Variants in MSRB2 observed in about 807,000 individuals in gnomAD.
MSRB2 encodes the protein methionine-R-sulfoxide reductase B2, mitochondrial.
In MSRB2, 17 loss-of-function variants were observed where a neutral mutation model predicts 19.0. The observed-to-expected ratio is 0.89, with a 90% confidence interval of 0.61 to 1.34. MSRB2 has a LOEUF of 1.34. MSRB2 is among the 40% of genes most tolerant of loss of function. The pLI is 0.00. For synonymous variants in MSRB2, 107 were observed against 99.7 expected (o/e 1.07, Z -0.44); for missense variants, 208 against 237.6 (o/e 0.88, Z 0.82).
At chr10:23,118,344 T>TG (rs1299086652) in intron 3 of MSRB2, among the ~76,000 whole-genome samples, 29 of 147,950 alleles carry the variant, frequency 2.0e-4, no homozygotes, top group South Asian at 1.3e-3. Context: ...TTTGTTTTTT[T>TG]TTTTTTTTTT....
intron 2 of MSRB2, among the ~76,000 whole-genome samples, chr10:23,109,335 A>G (rs1840019905): frequency 6.6e-6 from 1 of 152,146 alleles, no homozygotes; most frequent in African/African-American, 2.4e-5. Flanking sequence ...AGATCACTTG[A>G]GGTCAGGAGT....
chr10:23,106,636 G>A (rs1564428701), intron 2 of MSRB2, among the ~76,000 whole-genome samples: 1 of 152,200 alleles, frequency 6.6e-6, no homozygotes, highest in Non-Finnish European at 1.5e-5. Flanking sequence ...CTGTGGGGCT[G>A]CAGGATGGCA....
At chr10:23,120,670 G>C (rs1840171332) in intron 4 of MSRB2, 88 bp from the exon 5 acceptor site, 4 of 898,892 alleles carry the variant, frequency 4.4e-6, no homozygotes, top group Non-Finnish European at 5.2e-6. Flanking sequence ...CTCCGGAGTG[G>C]AGTGATTTTG....
chr10:23,100,925 C>G (rs1168691732), intron 1 of MSRB2, among the ~76,000 whole-genome samples: 2 of 152,108 alleles, frequency 1.3e-5, no homozygotes, highest in African/African-American at 4.8e-5. Context: ...AAAGTGAAAT[C>G]TGTTGAGAGG....
In MSRB2 at chr10:23,095,738, G is replaced by A. The variant is rs770359293; in HGVS notation, c.118+12G>A. 8.0e-7 allele frequency: 1 copy of A among 1,243,784 alleles called. No homozygotes were observed. Among genetic ancestry groups the A allele is most frequent in the Admixed American group, 4.2e-5 (1 of 23,726 alleles). The allele number at this position is 1,243,784 out of a possible 1,614,324, so 77.0% of individuals were successfully genotyped here. On this transcript the variant is annotated intron_variant, in intron 1 of 4. Transcript: ENST00000376510. ...ACTGGGGGAGGCAGGTAGGACGCGG[G>A]TCCCGCAGGCCCCGCCGCCGCCTAC...
intron 2 of MSRB2, among the ~76,000 whole-genome samples, chr10:23,109,879 A>G (rs1420303689): frequency 2.0e-5 from 3 of 152,238 alleles, no homozygotes; most frequent in African/African-American, 7.2e-5. Flanking sequence ...ACAGTGGACT[A>G]GATTCCTGTT....
rs937004241 is a variant in MSRB2 at position 23,119,490 on chromosome 10, C to T, written c.444+39C>T. Reference sequence around the variant, plus strand: ...TTTTGTTTTACTTTCCCTGATGCTGCCCCCAATGCCACAAAGAGCTCTCTT... The same window carrying T: ...TTTTGTTTTACTTTCCCTGATGCTGTCCCCAATGCCACAAAGAGCTCTCTT... On this transcript the variant is annotated intron_variant, in intron 4 of 4. Coordinates refer to ENST00000376510, the MANE Select transcript of MSRB2 (RefSeq NM_012228.4). 6 of 1,597,330 alleles carry T rather than the reference C, an allele frequency of 3.8e-6. No homozygotes were observed. The African/African-American group carries it at 5.4e-5, about 14-fold the overall frequency.
intron 2 of MSRB2, among the ~76,000 whole-genome samples, chr10:23,107,753 G>A (rs1839999200): frequency 6.6e-6 from 1 of 152,084 alleles, no homozygotes; most frequent in Non-Finnish European, 1.5e-5. Flanking sequence ...GCCCACCTCT[G>A]CAACACTAGC....
intron 1 of MSRB2, among the ~76,000 whole-genome samples, chr10:23,097,173 A>G (rs1429922947): frequency 2.6e-5 from 4 of 152,242 alleles, no homozygotes; most frequent in Non-Finnish European, 5.9e-5. Flanking sequence ...GTAAATCATG[A>G]AAATTCAATC....
chr10:23,115,191 A>G (rs972312921), intron 3 of MSRB2, among the ~76,000 whole-genome samples: 4 of 152,116 alleles, frequency 2.6e-5, no homozygotes, highest in African/African-American at 9.7e-5. Flanking sequence ...TCACACTCCT[A>G]GGGACTCCAG....
rs533625727 is a variant in MSRB2 at position 23,121,802 on chromosome 10, C to G, written c.*940C>G. ...AGCAGGATTACGGAGGAGCTGTGCT[C>G]TGGGAGCATATATGGTGATCAATCA... On this transcript the variant is annotated 3_prime_UTR_variant, in exon 5 of 5. Transcript: ENST00000376510. The G allele has an allele frequency of 1.3e-5, 2 of 152,286 alleles. No individual in the cohort carries two copies. The highest frequency in any genetic ancestry group is 3.9e-4 in the East Asian group (2 of 5,174). 9.4% of individuals were successfully genotyped at this position (152,286 alleles called of 1,614,324 possible).
chr10:23,120,690 G>A (rs920065388), intron 4 of MSRB2, 68 bp from the exon 5 acceptor site: 14 of 1,276,274 alleles, frequency 1.1e-5, no homozygotes, highest in East Asian at 4.7e-5. Context: ...GGGGGGGTTC[G>A]TCTGTCTGGT....
chr10:23,114,525 G>C (rs1378371177), intron 3 of MSRB2, among the ~76,000 whole-genome samples: 2 of 152,114 alleles, frequency 1.3e-5, no homozygotes, highest in Non-Finnish European at 2.9e-5. Flanking sequence ...GAAAACTGAG[G>C]CTTAAAGAAT....
chr10:23,108,407 T>A (rs1051560478), intron 2 of MSRB2, among the ~76,000 whole-genome samples: 1 of 152,166 alleles, frequency 6.6e-6, no homozygotes, highest in Non-Finnish European at 1.5e-5. Flanking sequence ...TAGATCAGCC[T>A]TAGGACTGGC....
chr10:23,097,982 T>G (rs1839885092), intron 1 of MSRB2, among the ~76,000 whole-genome samples: 1 of 152,138 alleles, frequency 6.6e-6, no homozygotes, highest in Non-Finnish European at 1.5e-5. Flanking sequence ...TTAGAGTGAT[T>G]TTTTTTAATC....
intron 2 of MSRB2, among the ~76,000 whole-genome samples, chr10:23,104,502 C>T (rs529284733): frequency 3.3e-5 from 5 of 152,240 alleles, no homozygotes; most frequent in East Asian, 3.9e-4. Context: ...GTCACCTCCC[C>T]GTGGGGCCAA....
chr10:23,108,827 T>A (rs1021669938), intron 2 of MSRB2, among the ~76,000 whole-genome samples: 4 of 152,112 alleles, frequency 2.6e-5, no homozygotes, highest in Admixed American at 2.6e-4. Flanking sequence ...GAAGCAGGCA[T>A]TTGAGGGGAC....
chr10:23,107,133 G>A (rs538908722), intron 2 of MSRB2, among the ~76,000 whole-genome samples: 26 of 152,282 alleles, frequency 1.7e-4, no homozygotes, highest in Non-Finnish European at 3.4e-4. Flanking sequence ...GATGGAGGTC[G>A]GATTGCCCTC....
intron 3 of MSRB2, among the ~76,000 whole-genome samples, chr10:23,113,304 TC>T (rs1341077016): frequency 6.6e-6 from 1 of 152,192 alleles, no homozygotes; most frequent in East Asian, 1.9e-4. Context: ...TGGGATCTGC[TC>T]AGCCCCACTA....
Sources: gnomAD v4.1 joint callset for allele counts (sites outside exome capture counted in the v4.1 genomes callset) on GRCh38, gnomAD v4.1.1 for gene constraint, MANE v1.5 for transcripts, NCBI Gene and HGNC (gene_info 2026-07-23, HGNC 2026-07-21) for gene names.